The following ABHD2 variants were observed in gnomAD, a reference collection of about 807,000 sequenced individuals.
The protein encoded by ABHD2 is monoacylglycerol lipase ABHD2.
Under a neutral mutation model 48.1 loss-of-function variants are expected in ABHD2, and 20 were observed. The observed-to-expected ratio is 0.42, with a 90% CI of 0.29 to 0.60. The LOEUF is 0.60. ABHD2 is among the 20% of genes least tolerant of loss of function. The pLI is 0.24. For missense variants in ABHD2, 405 were observed against 550.9 expected (o/e 0.74, Z 2.65); for synonymous variants, 209 against 214.2 (o/e 0.98, Z 0.21).
chr15:89,151,895 A>G lies in ABHD2; in HGVS notation c.370+43A>G. On this transcript the variant is annotated intron_variant, in intron 4 of 10. Transcript: ENST00000352732. This position sits in a 1 kb window ranked among gnomAD's most constrained non-coding sequence, Gnocchi z 4.7. ...GTGTGATTGAGCCATCACTCAGAGA[A>G]GGAGCACTAGTCAGTGGAGAGCACA... The G allele has an allele frequency of 3.1e-6, 5 of 1,600,580 alleles. No individual in the cohort carries two copies. Among genetic ancestry groups the G allele is most frequent in the Non-Finnish European group, 4.3e-6 (5 of 1,172,548 alleles).
chr15:89,188,245 G>A lies in ABHD2; in HGVS notation c.868G>A (p.Asp290Asn), dbSNP rs763085663. 1 of 1,614,068 alleles carries A rather than the reference G, an allele frequency of 6.2e-7. No individual in the cohort carries two copies. The highest frequency in any genetic ancestry group is 1.1e-5 in the South Asian group (1 of 91,086). The change falls in exon 8 of 11, where the codon GAC becomes AAC. Residue 290 changes from aspartate (D) to asparagine (N), a missense_variant. Transcript: ENST00000352732. This position sits in a 1 kb window ranked among gnomAD's most constrained non-coding sequence, Gnocchi z 4.1. ...VKKPQSLEDT[D>N]LSRLYTATSL... Reference sequence around the variant, plus strand: ...GAAACCCCAGAGCCTGGAAGACACGGACTTGAGCCGGCTCTACACAGCAAC... The same window carrying A: ...GAAACCCCAGAGCCTGGAAGACACGAACTTGAGCCGGCTCTACACAGCAAC...
At position 89,201,790 on chromosome 15, in the gene ABHD2, A is replaced by C; in HGVS notation, c.*6367A>C. 7.0e-7 allele frequency: 1 copy of C among 1,426,506 alleles called. No individual in the cohort carries two copies. The highest frequency in any genetic ancestry group is 9.9e-7 in the Non-Finnish European group (1 of 1,013,462). 88.4% of individuals were successfully genotyped at this position (1,426,506 alleles called of 1,614,324 possible). A position where few individuals can be genotyped will look rare whatever the true frequency, so the allele number is the denominator to read the frequency against. ...TGCTCGTGCTTCGCCGTGGCCCCGGAGGCAGACGCCATTGGAGAGACAGCG... is the reference window on the plus strand; with the variant it reads ...TGCTCGTGCTTCGCCGTGGCCCCGGCGGCAGACGCCATTGGAGAGACAGCG... On this transcript the variant is annotated 3_prime_UTR_variant, in exon 11 of 11. Coordinates refer to ENST00000352732, the MANE Select transcript of ABHD2 (RefSeq NM_152924.5).
the ABHD2 span, among the ~76,000 whole-genome samples, chr15:89,049,718 A>G: frequency 0.48 from 73,267 of 152,202 alleles, 19,454 homozygotes; most frequent in African/African-American, 0.72. Flanking sequence ...TGCACTTCCC[A>G]AGTAAGGCAA....
intron 3 of ABHD2, among the ~76,000 whole-genome samples, chr15:89,138,836 C>T (rs1312285025): frequency 2.0e-5 from 3 of 151,734 alleles, no homozygotes; most frequent in Non-Finnish European, 4.4e-5. Flanking sequence ...GAATCAGAGA[C>T]CTGTCCTCTA....
upstream of ABHD2, among the ~76,000 whole-genome samples, chr15:89,083,958 C>T (rs1249381453): frequency 1.3e-5 from 2 of 152,084 alleles, no homozygotes; most frequent in African/African-American, 2.4e-5. This position sits in a 1 kb window ranked among gnomAD's most constrained non-coding sequence, Gnocchi z 5.1. Context: ...CAGACTGCAC[C>T]GGCTGTGACA....
the ABHD2 span, chr15:89,041,128 G>C: frequency 6.6e-6 from 1 of 152,294 alleles, no homozygotes; most frequent in South Asian, 2.1e-4. Context: ...ACTGTGTAAG[G>C]AGGCCAAGAG....
At chr15:89,111,776 A>C (rs2150805996) in intron 1 of ABHD2, among the ~76,000 whole-genome samples, 1 of 152,342 alleles carries the variant, frequency 6.6e-6, no homozygotes, top group Middle Eastern at 3.4e-3. Flanking sequence ...ATGCATATAG[A>C]TTCAGTAAGG....
intron 8 of ABHD2, among the ~76,000 whole-genome samples, chr15:89,190,152 T>C (rs1277608560): frequency 1.3e-5 from 2 of 152,170 alleles, no homozygotes; most frequent in Non-Finnish European, 2.9e-5. Flanking sequence ...GGAGGAAGGA[T>C]AGCTTAAAGA....
chr15:89,052,859 C>G, the ABHD2 span, among the ~76,000 whole-genome samples: 3 of 152,148 alleles, frequency 2.0e-5, no homozygotes, highest in African/African-American at 7.2e-5. Flanking sequence ...TGCCTTTCAC[C>G]TTTCTCCAAG....
At chr15:89,149,089 A>T (rs2050546631) in intron 3 of ABHD2, among the ~76,000 whole-genome samples, 1 of 152,186 alleles carries the variant, frequency 6.6e-6, no homozygotes, top group African/African-American at 2.4e-5. Context: ...TATGAAGTTA[A>T]TTAAAAACAG....
the ABHD2 span, among the ~76,000 whole-genome samples, chr15:89,052,748 C>CAG: frequency 3.3e-5 from 5 of 152,178 alleles, no homozygotes; most frequent in African/African-American, 1.2e-4. Context: ...ACCCTGATCT[C>CAG]AGACTTCAGC....
At chr15:89,130,884 C>G (rs566455534) in intron 3 of ABHD2, among the ~76,000 whole-genome samples, 1 of 152,186 alleles carries the variant, frequency 6.6e-6, no homozygotes, top group Non-Finnish European at 1.5e-5. Context: ...AAGCAAGGCT[C>G]GTGCCCATGC....
In ABHD2 at chr15:89,166,563, A is replaced by G. The variant is rs1239658421; in HGVS notation, c.539-9249A>G. Among the ~76,000 whole-genome samples the G allele has an allele frequency of 2.6e-5, 4 of 152,172 alleles. No individual in the cohort carries two copies. In the East Asian group the frequency reaches 5.8e-4, roughly 22 times the overall value. On this transcript the variant is annotated intron_variant, in intron 5 of 10. Transcript: ENST00000352732. The surrounding 1 kb of genome is among the most constrained non-coding windows in gnomAD (Gnocchi z 4.6). ...CACTGCACTCCAGCCTGGGTGACAG[A>G]GTGAGACCCTGTCTCAAAAACAAAA...
intron 3 of ABHD2, among the ~76,000 whole-genome samples, chr15:89,124,111 T>G (rs942906970): frequency 1.3e-5 from 2 of 152,340 alleles, no homozygotes; most frequent in Middle Eastern, 3.4e-3. Context: ...TTTGTCCTAG[T>G]GTACCAAGGA....
intron 6 of ABHD2, among the ~76,000 whole-genome samples, chr15:89,183,649 C>CA (rs1229413962): frequency 6.7e-6 from 1 of 150,152 alleles, no homozygotes; most frequent in Non-Finnish European, 1.5e-5. Flanking sequence ...TAGAACCTTT[C>CA]AACAAGCAGT....
chr15:89,150,221 A>C (rs993388460), intron 3 of ABHD2, among the ~76,000 whole-genome samples: 1 of 152,222 alleles, frequency 6.6e-6, no homozygotes, highest in Non-Finnish European at 1.5e-5. Context: ...AATTTTCTTT[A>C]AACTTTCCTC....
At chr15:89,160,215 G>A (rs2050740881) in intron 5 of ABHD2, among the ~76,000 whole-genome samples, 1 of 152,206 alleles carries the variant, frequency 6.6e-6, no homozygotes, top group Admixed American at 6.5e-5. Context: ...CAAAGCCCGT[G>A]TTTGTTACTT....
chr15:89,169,138 G>T (rs984272143), intron 5 of ABHD2, among the ~76,000 whole-genome samples: 1 of 152,034 alleles, frequency 6.6e-6, no homozygotes, highest in African/African-American at 2.4e-5. Context: ...TGGTTGGGGG[G>T]AGTAAGATGT....
At chr15:89,052,960 G>T in the ABHD2 span, among the ~76,000 whole-genome samples, 1 of 151,372 alleles carries the variant, frequency 6.6e-6, no homozygotes, top group South Asian at 2.1e-4. Context: ...GCTAGTATTT[G>T]GTGGGCAGCT....
Sources: gnomAD v4.1 joint callset for allele counts (sites outside exome capture counted in the v4.1 genomes callset) on GRCh38, gnomAD v4.1.1 for gene constraint, Gnocchi (gnomAD v3.1) non-coding constraint, MANE v1.5 for transcripts, NCBI Gene and HGNC (gene_info 2026-07-23, HGNC 2026-07-21) for gene names.